NCALD: variants seen among roughly 807,000 people sequenced by gnomAD.
NCALD encodes neurocalcin delta.
A neutral mutation model predicts 18.6 loss-of-function variants in NCALD; 10 were observed. The observed-to-expected ratio is 0.54, with a 90% CI of 0.33 to 0.91. NCALD has a LOEUF of 0.91. Among genes scored for constraint, NCALD ranks in the 40% least tolerant of loss-of-function variants. NCALD has a pLI of 0.03. For synonymous variants in NCALD, 88 were observed against 87.4 expected (o/e 1.01, Z -0.04); for missense variants, 184 against 247.6 (o/e 0.74, Z 1.72).
intron 1 of NCALD, among the ~76,000 whole-genome samples, chr8:102,065,010 C>CAAAAAAAAAA (rs34548051): frequency 4.6e-5 from 4 of 87,580 alleles, no homozygotes; most frequent in African/African-American, 9.6e-5. Context: ...CTCACTTTGG[C>CAAAAAAAAAA]AAAAAAAAAA....
intron 2 of NCALD, among the ~76,000 whole-genome samples, chr8:101,957,350 A>G (rs1309092936): frequency 6.8e-6 from 1 of 147,422 alleles, no homozygotes; most frequent in Non-Finnish European, 1.5e-5. Context: ...AGCAGAGATG[A>G]AGATAAACAA....
chr8:101,935,695 GA>G (rs1818735446), intron 2 of NCALD, among the ~76,000 whole-genome samples: 1 of 151,654 alleles, frequency 6.6e-6, no homozygotes, highest in Non-Finnish European at 1.5e-5. Context: ...AAAGTGGGGA[GA>G]GGAAGTGGAT....
At chr8:102,047,995 A>C (rs1823308873) in intron 1 of NCALD, among the ~76,000 whole-genome samples, 1 of 152,232 alleles carries the variant, frequency 6.6e-6, no homozygotes, top group Non-Finnish European at 1.5e-5. Context: ...TTTAAGAATC[A>C]TAAAGAATAA....
At position 102,123,460 on chromosome 8, in the gene NCALD, G is replaced by GAAAAA. The variant is rs5893600; in HGVS notation, c.-210+772_-210+776dup. ...GTTAAAGCAAGCATCTGCAGCATTA[G>GAAAAA]AAAAAAAAAAAAAAAACTTGTGTAT... On this transcript the variant is annotated intron_variant, in intron 1 of 6. Transcript: ENST00000311028. Among the ~76,000 whole-genome samples the GAAAAA allele has an allele frequency of 2.8e-3, 389 of 140,158 alleles. 4 individuals carry two copies. Among genetic ancestry groups the GAAAAA allele is most frequent in the East Asian group, 5.7e-3 (27 of 4,738 alleles). The allele number at this position is 140,158 out of a possible 152,430, so 91.9% of individuals were successfully genotyped here.
At chr8:101,968,662 G>A (rs750258208) in intron 2 of NCALD, among the ~76,000 whole-genome samples, 2 of 151,950 alleles carry the variant, frequency 1.3e-5, no homozygotes, top group Non-Finnish European at 2.9e-5. Context: ...AGGGCTTGTA[G>A]TTTCTTTCCC....
intron 4 of NCALD, among the ~76,000 whole-genome samples, chr8:101,861,024 A>G (rs1385018502): frequency 6.6e-6 from 1 of 152,122 alleles, no homozygotes; most frequent in Non-Finnish European, 1.5e-5. Flanking sequence ...TATATTTAAA[A>G]ACTCATCACT....
intron 2 of NCALD, among the ~76,000 whole-genome samples, chr8:101,970,637 A>G (rs1820206964): frequency 6.6e-6 from 1 of 152,210 alleles, no homozygotes; most frequent in Non-Finnish European, 1.5e-5. Flanking sequence ...CTCCTAGGAA[A>G]GCATATGACA....
At chr8:101,870,900 C>CA (rs1484305411) in intron 4 of NCALD, among the ~76,000 whole-genome samples, 1 of 75,664 alleles carries the variant, frequency 1.3e-5, no homozygotes, top group African/African-American at 5.4e-5. Flanking sequence ...CGCCCCCACC[C>CA]CCCCCCCCCA....
chr8:101,720,889 T>G (rs1456714672), intron 1 of NCALD, among the ~76,000 whole-genome samples: 1 of 152,204 alleles, frequency 6.6e-6, no homozygotes, highest in Non-Finnish European at 1.5e-5. Flanking sequence ...ATGTGGCCCC[T>G]TTTCCCTAAG....
At position 101,854,340 on chromosome 8, in the gene NCALD, A is replaced by C. The variant is rs552974982; in HGVS notation, c.-20+32801T>G. Among the ~76,000 whole-genome samples the C allele has an allele frequency of 9.2e-5, 14 of 152,208 alleles. No individual in the cohort carries two copies. In the East Asian group the frequency reaches 2.7e-3, roughly 29 times the overall value. ...CTTATGATGACAGCTGTCTCACTCTACTTTCAAACTGGTTTTAATTTGGTT... is the reference window on the plus strand; with the variant it reads ...CTTATGATGACAGCTGTCTCACTCTCCTTTCAAACTGGTTTTAATTTGGTT... On this transcript the variant is annotated intron_variant, in intron 4 of 6. Transcript: ENST00000311028.
intron 2 of NCALD, among the ~76,000 whole-genome samples, chr8:101,964,729 G>A (rs1819958952): frequency 6.6e-6 from 1 of 152,152 alleles, no homozygotes; most frequent in Non-Finnish European, 1.5e-5. Context: ...GTCTAAACAT[G>A]TACAGAAATC....
chr8:101,778,728 C>G (rs1811893751), intron 1 of NCALD, among the ~76,000 whole-genome samples: 4 of 152,014 alleles, frequency 2.6e-5, no homozygotes, highest in Admixed American at 2.6e-4. Flanking sequence ...CTAACATCTC[C>G]TAGAGCTAAG....
At chr8:101,796,174 A>G (rs1302776592) in intron 4 of NCALD, among the ~76,000 whole-genome samples, 1 of 152,174 alleles carries the variant, frequency 6.6e-6, no homozygotes, top group Non-Finnish European at 1.5e-5. Context: ...GAATCATTAC[A>G]CTCTCTAATT....
chr8:102,060,143 G>C (rs962656844), intron 1 of NCALD, among the ~76,000 whole-genome samples: 1 of 152,084 alleles, frequency 6.6e-6, no homozygotes, highest in African/African-American at 2.4e-5. Flanking sequence ...ACCATGCCTG[G>C]CTAATTTTTT....
At chr8:101,909,257 A>C (rs893172001) in intron 3 of NCALD, among the ~76,000 whole-genome samples, 1 of 152,168 alleles carries the variant, frequency 6.6e-6, no homozygotes, top group Admixed American at 6.5e-5. Flanking sequence ...CATTTGTTGT[A>C]ATTTTGTCTT....
chr8:102,060,233 G>A (rs898462378), intron 1 of NCALD, among the ~76,000 whole-genome samples: 1 of 77,960 alleles, frequency 1.3e-5, no homozygotes, highest in East Asian at 2.2e-4. Context: ...TGCCCGCCTT[G>A]GCCTCCCAAA....
chr8:101,691,996 A>G, intron 3 of NCALD: 2 of 984,694 alleles, frequency 2.0e-6, no homozygotes, highest in Non-Finnish European at 2.4e-6. Flanking sequence ...GATCTGGCAA[A>G]TTAAATACAT....
chr8:102,037,868 T>A (rs1472712427), intron 1 of NCALD, among the ~76,000 whole-genome samples: 1 of 152,066 alleles, frequency 6.6e-6, no homozygotes, highest in South Asian at 2.1e-4. Flanking sequence ...AACAAAAGAG[T>A]AAACAATCCT....
At chr8:101,996,635 C>G (rs1821249532) in intron 2 of NCALD, among the ~76,000 whole-genome samples, 1 of 152,162 alleles carries the variant, frequency 6.6e-6, no homozygotes, top group African/African-American at 2.4e-5. Context: ...TGTTGGAGGT[C>G]ATCTTGACAA....
Sources: allele counts gnomAD v4.1 joint callset (sites outside exome capture counted in the v4.1 genomes callset), GRCh38; gene constraint gnomAD v4.1.1; transcripts MANE v1.5; gene names NCBI Gene and HGNC (gene_info 2026-07-23, HGNC 2026-07-21).